RASEF: variants seen among roughly 807,000 people sequenced by gnomAD.
RASEF encodes RAS and EF-hand domain containing, also known as ras and EF-hand domain-containing protein.
In RASEF, 68 loss-of-function variants were observed where a neutral mutation model predicts 90.1. The observed-to-expected ratio is 0.75, with a 90% CI of 0.62 to 0.92. The LOEUF is 0.92. Ranked by LOEUF, RASEF falls within the 40% of genes least tolerant of loss-of-function variation. The pLI is 0.00. For synonymous variants in RASEF, 331 were observed against 345.2 expected (o/e 0.96, Z 0.46); for missense variants, 949 against 937.2 (o/e 1.01, Z -0.16).
the RASEF span, among the ~76,000 whole-genome samples, chr9:83,113,642 G>A: frequency 7.9e-4 from 121 of 152,242 alleles, 1 homozygote; most frequent in Admixed American, 3.5e-3. Flanking sequence ...ATAGATGGCC[G>A]CGCTGGGAGT....
intron 9 of RASEF, among the ~76,000 whole-genome samples, chr9:83,004,251 T>A (rs548719005): frequency 6.6e-6 from 1 of 152,266 alleles, no homozygotes; most frequent in East Asian, 1.9e-4. Flanking sequence ...AAACAAGACA[T>A]GATTAGAGAT....
chr9:83,194,451 GC>G, the RASEF span, among the ~76,000 whole-genome samples: 1 of 152,192 alleles, frequency 6.6e-6, no homozygotes, highest in African/African-American at 2.4e-5. Context: ...AGGGGTAGAA[GC>G]TTTCAACATG....
the RASEF span, among the ~76,000 whole-genome samples, chr9:83,191,448 T>G: frequency 6.6e-6 from 1 of 152,164 alleles, no homozygotes; most frequent in African/African-American, 2.4e-5. Context: ...AGACTAAGAA[T>G]AAAAGAATAC....
chr9:83,193,900 G>A, the RASEF span, among the ~76,000 whole-genome samples: 1 of 152,184 alleles, frequency 6.6e-6, no homozygotes, highest in Non-Finnish European at 1.5e-5. Context: ...GGATCAAGGA[G>A]TCAGCCTATG....
At chr9:83,042,743 A>C (rs936247774) in intron 1 of RASEF, among the ~76,000 whole-genome samples, 1 of 152,346 alleles carries the variant, frequency 6.6e-6, no homozygotes, top group Non-Finnish European at 1.5e-5. Context: ...GTCAGAAAAA[A>C]AAAGAAAAAC....
chr9:82,986,881 C>T (rs4385545), intron 16 of RASEF, among the ~76,000 whole-genome samples: 3 of 151,946 alleles, frequency 2.0e-5, no homozygotes, highest in Admixed American at 6.5e-5. Context: ...TGGTTATGAA[C>T]GATGACCTAT....
intron 1 of RASEF, among the ~76,000 whole-genome samples, chr9:83,058,701 A>T (rs1052852266): frequency 6.6e-6 from 1 of 152,194 alleles, no homozygotes; most frequent in East Asian, 1.9e-4. Flanking sequence ...ACTTGTTTTT[A>T]AAAATTTCCC....
rs1399424634 is a variant in RASEF at position 82,997,098 on chromosome 9, T to C, written c.1834A>G (p.Arg612Gly). ...AGCAGCAAAACACCATCTGCCTTTC[T>C]GAAGTAAGACTTGGCAATACTTCTG... is the stretch of plus-strand genomic sequence containing the variant. ...RFRSIAKSYF[R>G]KADGVLLLYD... The change falls in exon 14 of 17, where the codon AGA (arginine) becomes GGA (glycine). Residue 612 changes from arginine to glycine, a missense_variant. Around this residue, in one of 3 missense-constraint regions of RASEF, gnomAD observed 288 missense variants for 328.4 expected, o/e 0.88. Coordinates refer to ENST00000376447, the MANE Select transcript of RASEF (RefSeq NM_152573.4). The C allele has an allele frequency of 1.9e-6, 3 of 1,612,600 alleles. No individual in the cohort carries two copies. The African/African-American group carries it at 4.0e-5, about 22-fold the overall frequency.
chr9:83,146,283 T>C, the RASEF span, among the ~76,000 whole-genome samples: 1 of 152,090 alleles, frequency 6.6e-6, no homozygotes. Flanking sequence ...ACAGGTGGAA[T>C]AGGCTAGATC....
intron 1 of RASEF, among the ~76,000 whole-genome samples, chr9:83,039,020 G>T (rs1354088309): frequency 6.6e-6 from 1 of 152,090 alleles, no homozygotes; most frequent in African/African-American, 2.4e-5. Context: ...CACTGTTCTG[G>T]TTTTTTTGTT....
chr9:83,217,520 G>A, the RASEF span, among the ~76,000 whole-genome samples: 8,840 of 152,086 alleles, frequency 0.058, 746 homozygotes, highest in East Asian at 0.42. Flanking sequence ...GCAGTTTCCC[G>A]CATACTGTTC....
chr9:83,113,273 T>C, the RASEF span, among the ~76,000 whole-genome samples: 1 of 152,216 alleles, frequency 6.6e-6, no homozygotes, highest in African/African-American at 2.4e-5. Context: ...ACTTCCCTAA[T>C]AATACTCTTA....
chr9:83,202,197 C>T, the RASEF span: 1 of 152,122 alleles, frequency 6.6e-6, no homozygotes, highest in African/African-American at 2.4e-5. Context: ...GCCTTATTAA[C>T]TATTATTTAA....
At chr9:83,191,373 C>T in the RASEF span, among the ~76,000 whole-genome samples, 2 of 152,196 alleles carry the variant, frequency 1.3e-5, no homozygotes, top group Admixed American at 1.3e-4. Context: ...CTGGCAGCCA[C>T]CAATTACAAT....
intron 1 of RASEF, among the ~76,000 whole-genome samples, chr9:83,041,691 C>T (rs533192318): frequency 6.6e-6 from 1 of 152,278 alleles, no homozygotes; most frequent in African/African-American, 2.4e-5. Context: ...ACTGCTTTCC[C>T]AGCAACCTGC....
At chr9:83,200,766 C>T in the RASEF span, among the ~76,000 whole-genome samples, 2 of 152,132 alleles carry the variant, frequency 1.3e-5, no homozygotes, top group African/African-American at 2.4e-5. Flanking sequence ...GAGCTTGCTA[C>T]ATGAATTAGT....
At chr9:83,192,783 G>A in the RASEF span, among the ~76,000 whole-genome samples, 1 of 151,198 alleles carries the variant, frequency 6.6e-6, no homozygotes, top group Non-Finnish European at 1.5e-5. Flanking sequence ...TGACAACAGT[G>A]ATAAAGATTG....
At chr9:83,092,943 A>G in the RASEF span, among the ~76,000 whole-genome samples, 2 of 152,084 alleles carry the variant, frequency 1.3e-5, no homozygotes, top group Admixed American at 6.5e-5. Flanking sequence ...CCTGAGCTAG[A>G]CACAGGGTGC....
intron 15 of RASEF, among the ~76,000 whole-genome samples, chr9:82,992,504 TTCTTCTGCCTTTGGCATTATAACCC>T (rs1190827356): frequency 2.0e-5 from 3 of 152,238 alleles, no homozygotes; most frequent in African/African-American, 7.2e-5. Context: ...ACACTGTACC[TTCTTCTGCCTTTGGCATTATAACCC>T]TCTGAAACCA....
Sources: gnomAD v4.1 joint callset for allele counts (sites outside exome capture counted in the v4.1 genomes callset) on GRCh38, gnomAD v4.1.1 for gene constraint, gnomAD v4.1.1 regional missense constraint, MANE v1.5 for transcripts, NCBI Gene and HGNC (gene_info 2026-07-23, HGNC 2026-07-21) for gene names.